REC114: variants seen among roughly 807,000 people sequenced by gnomAD.
REC114 encodes meiotic recombination protein REC114.
REC114 carries 27 observed loss-of-function variants against 31.3 expected under a neutral mutation model. The ratio of observed to expected loss-of-function variants is 0.86; its 90% CI spans 0.64 to 1.19. REC114 has a LOEUF of 1.19. Among genes scored for constraint, REC114 ranks in the 50% most tolerant of loss-of-function variants. The pLI, the probability that REC114 is intolerant of heterozygous loss-of-function variation, is 0.00. For missense variants in REC114, 344 were observed against 326.9 expected (o/e 1.05, Z -0.40); for synonymous variants, 134 against 127.7 (o/e 1.05, Z -0.33).
intron 2 of REC114, among the ~76,000 whole-genome samples, chr15:73,478,097 C>G (rs1240035339): frequency 6.6e-6 from 1 of 151,704 alleles, no homozygotes; most frequent in African/African-American, 2.4e-5. Flanking sequence ...AACCCCATCT[C>G]TACTAAAAAT....
intron 1 of REC114, among the ~76,000 whole-genome samples, chr15:73,469,680 CTTTTTTTTTTTTT>C (rs767748185): frequency 8.4e-6 from 1 of 118,940 alleles, no homozygotes; most frequent in African/African-American, 3.2e-5. Flanking sequence ...GCCTTAGACT[CTTTTTTTTTTTTT>C]TTTTTTTTTA....
intron 1 of REC114, among the ~76,000 whole-genome samples, chr15:73,448,424 T>C (rs1424398647): frequency 6.6e-6 from 1 of 152,190 alleles, no homozygotes; most frequent in Non-Finnish European, 1.5e-5. Flanking sequence ...TCAGCAAGGC[T>C]GCTGCAGCCA....
intron 2 of REC114, among the ~76,000 whole-genome samples, chr15:73,522,238 A>G (rs1442253690): frequency 6.6e-6 from 1 of 152,146 alleles, no homozygotes; most frequent in Non-Finnish European, 1.5e-5. Context: ...CTCTGCTTTC[A>G]CATGTATCAT....
At chr15:73,535,027 T>C (rs1374107438) in intron 2 of REC114, among the ~76,000 whole-genome samples, 1 of 141,418 alleles carries the variant, frequency 7.1e-6, no homozygotes, top group Non-Finnish European at 1.5e-5. Flanking sequence ...ATGGGACGTA[T>C]TTCAAAATGA....
intron 3 of REC114, among the ~76,000 whole-genome samples, chr15:73,550,552 T>G (rs1354251475): frequency 6.6e-6 from 1 of 152,228 alleles, no homozygotes; most frequent in African/African-American, 2.4e-5. Flanking sequence ...TAGAAAAGTT[T>G]TGAGCAGGAC....
chr15:73,475,186 T>G (rs1013724760), intron 2 of REC114, among the ~76,000 whole-genome samples: 1 of 152,178 alleles, frequency 6.6e-6, no homozygotes, highest in Non-Finnish European at 1.5e-5. Flanking sequence ...CTCCATCTTT[T>G]TGCCCCAGTG....
intron 5 of REC114, 150 bp downstream of exon 5, chr15:73,556,541 T>A (rs1368641536): frequency 9.0e-6 from 6 of 665,044 alleles, no homozygotes; most frequent in Non-Finnish European, 1.5e-5. Context: ...GCCATTTTCA[T>A]CTACCCCTTG....
intron 2 of REC114, among the ~76,000 whole-genome samples, chr15:73,493,434 C>T (rs1893473370): frequency 6.6e-6 from 1 of 152,060 alleles, no homozygotes. Flanking sequence ...AAACTATGCC[C>T]TTTTCTGTAT....
intron 5 of REC114, among the ~76,000 whole-genome samples, chr15:73,558,228 A>G (rs554694967): frequency 2.0e-5 from 3 of 152,206 alleles, no homozygotes; most frequent in Non-Finnish European, 4.4e-5. Context: ...TTTCTGTTAC[A>G]GAGAGTTCCT....
intron 4 of REC114, among the ~76,000 whole-genome samples, chr15:73,553,069 C>A (rs1483061987): frequency 1.3e-5 from 2 of 152,200 alleles, no homozygotes; most frequent in Admixed American, 1.3e-4. Context: ...CCCTCCTCGG[C>A]CTCCCAAAGT....
At chr15:73,458,862 T>C (rs1892952425) in intron 1 of REC114, among the ~76,000 whole-genome samples, 1 of 152,186 alleles carries the variant, frequency 6.6e-6, no homozygotes, top group Admixed American at 6.5e-5. Context: ...CACAAGTTCA[T>C]ATGTCTAGCT....
intron 4 of REC114, among the ~76,000 whole-genome samples, chr15:73,551,368 G>C (rs1430640412): frequency 6.6e-6 from 1 of 152,190 alleles, no homozygotes; most frequent in Non-Finnish European, 1.5e-5. Context: ...TGTCACTACA[G>C]AACAGTGGTT....
chr15:73,443,164 A>C lies in REC114; in HGVS notation c.-22A>C, dbSNP rs978856610. ...GCCAGATTGGCAGGTCCCCGCCGGC[A>C]GTGCGTGTGGTGAGGCAGGACATGG... On this transcript the variant is annotated 5_prime_UTR_variant, in exon 1 of 6. Coordinates refer to ENST00000331090, the MANE Select transcript of REC114 (RefSeq NM_001042367.2). 6.5e-7 allele frequency: 1 copy of C among 1,536,916 alleles called. No homozygotes were observed. Among genetic ancestry groups the C allele is most frequent in the Non-Finnish European group, 8.7e-7 (1 of 1,143,992 alleles).
chr15:73,483,638 GAT>G (rs932656954), intron 2 of REC114: 1 of 152,282 alleles, frequency 6.6e-6, no homozygotes, highest in Non-Finnish European at 1.5e-5. Flanking sequence ...GTTCTTACTT[GAT>G]ATTTAGCTTC....
At chr15:73,558,573 A>G (rs1483231538) in intron 5 of REC114, among the ~76,000 whole-genome samples, 1 of 152,280 alleles carries the variant, frequency 6.6e-6, no homozygotes, top group Non-Finnish European at 1.5e-5. Context: ...ATTATTAGTC[A>G]TTAGGCAAAT....
At chr15:73,538,198 TTAAC>T (rs1303074232) in intron 2 of REC114, among the ~76,000 whole-genome samples, 2 of 152,180 alleles carry the variant, frequency 1.3e-5, no homozygotes, top group African/African-American at 2.4e-5. Context: ...ACATTTCACT[TTAAC>T]TATTGAAAAT....
chr15:73,557,123 G>A (rs552247508), intron 5 of REC114, among the ~76,000 whole-genome samples: 1 of 151,082 alleles, frequency 6.6e-6, no homozygotes, highest in East Asian at 2.0e-4. Flanking sequence ...AGGCTGGAGT[G>A]CAGTGGTGCG....
intron 4 of REC114, among the ~76,000 whole-genome samples, chr15:73,555,109 C>T (rs1285099792): frequency 6.6e-6 from 1 of 152,168 alleles, no homozygotes; most frequent in East Asian, 1.9e-4. Context: ...TTTGATGCTT[C>T]CAGGTCTGGT....
At chr15:73,456,751 A>G (rs1000433789) in intron 1 of REC114, among the ~76,000 whole-genome samples, 2 of 152,190 alleles carry the variant, frequency 1.3e-5, no homozygotes, top group African/African-American at 4.8e-5. Flanking sequence ...GAACACAAAG[A>G]TAAGTTGAAA....
Sources: allele counts gnomAD v4.1 joint callset (sites outside exome capture counted in the v4.1 genomes callset), GRCh38; gene constraint gnomAD v4.1.1; transcripts MANE v1.5; gene names NCBI Gene and HGNC (gene_info 2026-07-23, HGNC 2026-07-21).